POLA2: variants seen among roughly 807,000 people sequenced by gnomAD.
POLA2 encodes the protein DNA polymerase alpha subunit B.
In POLA2, 47 loss-of-function variants were observed where a neutral mutation model predicts 82.8. The observed-to-expected ratio is 0.57, with a 90% confidence interval of 0.45 to 0.72. The LOEUF (loss-of-function observed/expected upper bound fraction) is 0.72. POLA2 is among the 30% of genes least tolerant of loss of function. The probability of loss-of-function intolerance (pLI) is 0.00; values close to 1 mark genes in which losing one functional copy is unlikely to be tolerated. For missense variants in POLA2, 634 were observed against 728.1 expected, an observed-to-expected ratio of 0.87 and a Z score of 1.49; for synonymous variants, 287 against 286.8, an observed-to-expected ratio of 1.00 and a Z score of -0.01.
chr11:65,302,024 G>A (rs1949861800), downstream of POLA2, among the ~76,000 whole-genome samples: 1 of 152,124 alleles, frequency 6.6e-6, no homozygotes, highest in Admixed American at 6.5e-5. Context: ...TCCCCACCCA[G>A]AGCCTGCCTG....
intron 12 of POLA2, 146 bp downstream of exon 12, chr11:65,289,234 T>C: frequency 3.1e-6 from 2 of 636,988 alleles, no homozygotes. Context: ...GAGCACTTTA[T>C]TAATAAAGAT....
At chr11:65,281,533 T>C in intron 8 of POLA2, 137 bp from the exon 9 acceptor site, 1 of 676,066 alleles carries the variant, frequency 1.5e-6, no homozygotes, top group Middle Eastern at 2.6e-4. Flanking sequence ...CCTTAATTCG[T>C]TTTCTACAAA....
chr11:65,282,360 C>A, intron 9 of POLA2, 119 bp from the exon 10 acceptor site: 1 of 788,864 alleles, frequency 1.3e-6, no homozygotes, highest in South Asian at 1.5e-5. Context: ...TGCCCTCTCG[C>A]TCCTCCCCAC....
At chr11:65,281,773 G>T (rs1356624221) in intron 9 of POLA2, 41 bp downstream of exon 9, 1 of 1,461,872 alleles carries the variant, frequency 6.8e-7, no homozygotes, top group Admixed American at 1.7e-5. Context: ...GTTTGCTTCA[G>T]ACAAAGTATG....
intron 7 of POLA2, chr11:65,279,992 A>ACAATGACT (rs1336221443): frequency 5.1e-6 from 1 of 194,692 alleles, no homozygotes; most frequent in African/African-American, 2.3e-5. Flanking sequence ...TGTTCTCTGG[A>ACAATGACT]CAATGACTCA....
intron 7 of POLA2, chr11:65,280,612 TA>T (rs1949629811): frequency 4.6e-6 from 1 of 215,228 alleles, no homozygotes; most frequent in Non-Finnish European, 9.4e-6. Flanking sequence ...CAGTGCATGG[TA>T]TTTAGTAAGC....
At chr11:65,262,851 G>A (rs763585692) in intron 1 of POLA2, among the ~76,000 whole-genome samples, 1 of 152,130 alleles carries the variant, frequency 6.6e-6, no homozygotes, top group Non-Finnish European at 1.5e-5. Context: ...AATCCCTTGA[G>A]GTAGGTTCCT....
chr11:65,297,630 A>C lies in POLA2; in HGVS notation c.*361A>C, dbSNP rs1346892557. 5.7e-6 allele frequency: 1 copy of C among 174,750 alleles called. No individual in the cohort carries two copies. 10.8% of individuals were successfully genotyped at this position (174,750 alleles called of 1,614,324 possible). ...ATTCTGAGTGTGACTTCTGAGTTTG[A>C]CCTTTCTTCTATTTTCTTTTATTTA... On this transcript the variant is annotated 3_prime_UTR_variant, in exon 18 of 18. Transcript: ENST00000265465.
At chr11:65,294,482 T>G (rs1473305925) in intron 14 of POLA2, 64 bp from the exon 15 acceptor site, 1 of 1,434,792 alleles carries the variant, frequency 7.0e-7, no homozygotes, top group Non-Finnish European at 9.8e-7. Flanking sequence ...CAACCCCCAC[T>G]TTCATGGGAA....
chr11:65,262,157 A>T lies in POLA2; in HGVS notation c.-136A>T. The T allele has an allele frequency of 1.5e-6, 1 of 672,126 alleles. No individual in the cohort carries two copies. The highest frequency in any genetic ancestry group is 2.7e-6 in the Non-Finnish European group (1 of 376,070). The allele number at this position is 672,126 out of a possible 1,614,324, so 41.6% of individuals were successfully genotyped here. A position where few individuals can be genotyped will look rare whatever the true frequency, so the allele number is the denominator to read the frequency against. ...GACGGTCTGAGGTCTTGCTTGGGCCAGTCACCTCCTGTCACGGTCCGCGGA... is the reference window on the plus strand; with the variant it reads ...GACGGTCTGAGGTCTTGCTTGGGCCTGTCACCTCCTGTCACGGTCCGCGGA... On this transcript the variant is annotated 5_prime_UTR_variant, in exon 1 of 18. Transcript: ENST00000265465.
intron 5 of POLA2, among the ~76,000 whole-genome samples, chr11:65,277,388 A>G (rs559643833): frequency 1.3e-5 from 2 of 151,934 alleles, no homozygotes; most frequent in Non-Finnish European, 2.9e-5. Context: ...ATGTTGCTCA[A>G]GCTGGTCTCG....
downstream of POLA2, among the ~76,000 whole-genome samples, chr11:65,302,726 AT>A (rs538549217): frequency 4.7e-5 from 7 of 148,222 alleles, no homozygotes; most frequent in South Asian, 2.2e-4. Flanking sequence ...ACCTGTTTGA[AT>A]TTTTTTTTTT....
chr11:65,294,389 CT>C, intron 14 of POLA2, 128 bp downstream of exon 14: 5 of 1,002,466 alleles, frequency 5.0e-6, no homozygotes, highest in Non-Finnish European at 7.7e-6. Flanking sequence ...TCTTAAACTC[CT>C]TTTTTTAAAC....
intron 13 of POLA2, among the ~76,000 whole-genome samples, chr11:65,292,655 G>C (rs970409066): frequency 2.6e-5 from 4 of 152,144 alleles, no homozygotes; most frequent in Non-Finnish European, 5.9e-5. Context: ...AGTGTCAAAG[G>C]GACAATAATG....
chr11:65,263,763 G>T (rs1462284196), intron 1 of POLA2, among the ~76,000 whole-genome samples: 2 of 151,244 alleles, frequency 1.3e-5, no homozygotes, highest in Admixed American at 6.6e-5. Context: ...AGAGGCAGAG[G>T]TTGTGGTGAG....
chr11:65,287,621 G>A lies in POLA2; in HGVS notation c.1007-95G>A, dbSNP rs146148245. 4.3e-4 allele frequency: 516 copies of A among 1,188,242 alleles called. 1 individual carries two copies. In the African/African-American group the frequency reaches 6.0e-3, roughly 14 times the overall value. 73.6% of individuals were successfully genotyped at this position (1,188,242 alleles called of 1,614,324 possible). ...GTTTCACACATAAAGGACTCAATGAGTTAAATCCTGTGGCATTTCCCATCA... is the reference window on the plus strand; with the variant it reads ...GTTTCACACATAAAGGACTCAATGAATTAAATCCTGTGGCATTTCCCATCA... On this transcript the variant is annotated intron_variant, in intron 10 of 17. Transcript: ENST00000265465.
chr11:65,266,857 C>T (rs1159576648), intron 2 of POLA2, 151 bp downstream of exon 2: 1 of 694,754 alleles, frequency 1.4e-6, no homozygotes, highest in Admixed American at 2.8e-5. Flanking sequence ...GTCCCTGAGC[C>T]TCAGTTTCCT....
At chr11:65,283,864 AT>A (rs539242100) in intron 10 of POLA2, among the ~76,000 whole-genome samples, 121 of 152,024 alleles carry the variant, frequency 8.0e-4, no homozygotes, top group Non-Finnish European at 1.2e-3. Flanking sequence ...TTGCTTCTAA[AT>A]ATTTCAACAT....
At chr11:65,298,771 T>A (rs1320540857), downstream of POLA2, 1 of 152,146 alleles carries the variant, frequency 6.6e-6, no homozygotes, top group Admixed American at 6.5e-5. Flanking sequence ...GGGAGTGGAT[T>A]TTTCCGTTCT....
Sources: gnomAD v4.1 joint callset for allele counts (sites outside exome capture counted in the v4.1 genomes callset) on GRCh38, gnomAD v4.1.1 for gene constraint, MANE v1.5 for transcripts, NCBI Gene and HGNC (gene_info 2026-07-23, HGNC 2026-07-21) for gene names.